Variants in NOTCH2 observed in about 807,000 individuals in gnomAD.
NOTCH2 encodes the protein notch receptor 2, also known as neurogenic locus notch homolog protein 2.
Under a neutral mutation model 235.8 loss-of-function variants are expected in NOTCH2, and 29 were observed. The ratio of observed to expected loss-of-function variants is 0.12; its 90% CI spans 0.09 to 0.17. The LOEUF (loss-of-function observed/expected upper bound fraction) is 0.17, where lower values mean the gene tolerates loss of function less well. NOTCH2 is among the 10% of genes least tolerant of loss of function. NOTCH2 has a pLI of 1.00. For synonymous variants in NOTCH2, 1,086 were observed against 1,141.5 expected, an observed-to-expected ratio of 0.95 and a Z score of 0.98; for missense variants, 2,285 against 3,150.2, an observed-to-expected ratio of 0.73 and a Z score of 6.57.
intron 29 of NOTCH2, among the ~76,000 whole-genome samples, chr1:119,921,433 C>T (rs1450015322): frequency 1.3e-5 from 2 of 152,218 alleles, no homozygotes; most frequent in Non-Finnish European, 2.9e-5. Context: ...TCTACACACA[C>T]CATTCCTGAC....
rs1189981473 is a variant in NOTCH2 at position 119,915,544 on chromosome 1, G to A, written c.7178C>T (p.Ala2393Val). The change falls in exon 34 of 34, where the codon GCT (alanine) becomes GTT (valine). Residue 2393 changes from alanine (A) to valine (V), a missense_variant. Ala to Val is a moderately conservative substitution (Grantham distance 64). Coordinates refer to ENST00000256646, the MANE Select transcript of NOTCH2 (RefSeq NM_024408.4). ...TGTTCGCTCAGCAGCATTTGAGGAAGCATAACTGTGCTGTGAAGGGGGTGT... is the reference window on the plus strand; with the variant it reads ...TGTTCGCTCAGCAGCATTTGAGGAAACATAACTGTGCTGTGAAGGGGGTGT... ...YPTPPSQHSY[A>V]SSNAAERTPS... 3 of 1,614,100 alleles carry A rather than the reference G, an allele frequency of 1.9e-6. No homozygotes were observed. The highest frequency in any genetic ancestry group is 1.7e-5 in the Admixed American group (1 of 60,032).
At chr1:119,932,670 A>C (rs1553195313) in intron 22 of NOTCH2, among the ~76,000 whole-genome samples, 1 of 152,144 alleles carries the variant, frequency 6.6e-6, no homozygotes, top group Non-Finnish European at 1.5e-5. Context: ...AGAGAGAGGA[A>C]GTTCTATATT....
At chr1:119,921,834 A>G in intron 28 of NOTCH2, 25 bp from the exon 29 acceptor site, 1 of 1,570,582 alleles carries the variant, frequency 6.4e-7, no homozygotes, top group Non-Finnish European at 8.8e-7. Flanking sequence ...AAAAGAAAAA[A>G]TAAGAATGGC....
At chr1:120,043,226 G>GA (rs1250238736) in intron 1 of NOTCH2, among the ~76,000 whole-genome samples, 1 of 147,636 alleles carries the variant, frequency 6.8e-6, no homozygotes, top group Non-Finnish European at 1.5e-5. Flanking sequence ...TGGCTTGTGT[G>GA]AACACCTCAG....
Position 120,005,478 on chromosome 1 carries a change from G to A in NOTCH2, c.266C>T (p.Thr89Met), listed in dbSNP as rs138537504. Residue 89 changes from threonine (T) to methionine (M), a missense_variant, in exon 3 of 34, where the codon ACG (threonine) becomes ATG (methionine). Thr to Met is a moderately conservative substitution (Grantham distance 81). This residue lies in a region of NOTCH2 where 431 missense variants were observed against 757.8 expected (regional missense o/e 0.57). Coordinates refer to ENST00000256646, the MANE Select transcript of NOTCH2 (RefSeq NM_024408.4). ...TGTAAACCCTGAGGCACATCGGCAC[G>A]TGGCTTTCCCCAGCATGGCCTGGGC... Reference protein sequence around the residue: ...CVAQAMLGKATCRCASGFTGE... With the variant: ...CVAQAMLGKAMCRCASGFTGE... The A allele has an allele frequency of 6.5e-5, 105 of 1,613,512 alleles. No individual in the cohort carries two copies. The highest frequency in any genetic ancestry group is 2.2e-4 in the East Asian group (10 of 44,840).
intron 23 of NOTCH2, among the ~76,000 whole-genome samples, chr1:119,927,214 G>A (rs370949000): frequency 1.3e-5 from 2 of 152,214 alleles, no homozygotes; most frequent in South Asian, 2.1e-4. Context: ...GATAAAGAAC[G>A]AGGCAACTGG....
rs772005110 is a variant in NOTCH2 at position 119,916,565 on chromosome 1, G to A, written c.6157C>T (p.Arg2053Cys). 11 of 1,613,948 alleles carry A rather than the reference G, an allele frequency of 6.8e-6. No individual in the cohort carries two copies. The African/African-American group carries it at 9.3e-5, about 14-fold the overall frequency. Residue 2053 changes from arginine to cysteine, a missense_variant, in exon 34 of 34, where the codon CGC becomes TGC. Around this residue, in one of 6 missense-constraint regions of NOTCH2, gnomAD observed 504 missense variants for 538.0 expected, o/e 0.94. Coordinates refer to ENST00000256646, the MANE Select transcript of NOTCH2 (RefSeq NM_024408.4). The part of the protein sequence containing the change: ...DRLPRDVARD[R>C]MHHDIVRLLD... ...AGGCGCACAATGTCATGGTGCATGC[G>A]ATCCCGAGCCACATCCCGGGGAAGA...
intron 1 of NOTCH2, among the ~76,000 whole-genome samples, chr1:120,067,082 TTTAAA>T (rs1655537177): frequency 1.3e-5 from 2 of 151,784 alleles, no homozygotes; most frequent in Non-Finnish European, 2.9e-5. Flanking sequence ...CTCCGTGATG[TTTAAA>T]TTAACAATTG....
In NOTCH2 at chr1:119,948,377, C is replaced by T. The variant is rs781846377; in HGVS notation, c.2752+37G>A. On this transcript the variant is annotated intron_variant, in intron 17 of 33. Coordinates refer to ENST00000256646, the MANE Select transcript of NOTCH2 (RefSeq NM_024408.4). ...TCCTCTGCTCCCTGTGTGTTTTCCT[C>T]TCCTCTGGGGGCTTAAGAGCTGACT... The T allele has an allele frequency of 9.9e-6, 16 of 1,612,970 alleles. No individual in the cohort carries two copies. In the South Asian group the frequency reaches 1.5e-4, roughly 16 times the overall value.
rs917979460 is a variant in NOTCH2 at position 119,915,504 on chromosome 1, A to T, written c.7218T>A (p.Gly2406=). ...NAAERTPSHS[G]HLQGEHPYLT... ...GGTAGGGATGCTCACCCTGGAGGTG[A>T]CCACTGTGACTGGGTGTTCGCTCAG... Residue 2406 remains glycine, a synonymous_variant, in exon 34 of 34, where the codon GGT becomes GGA. Transcript: ENST00000256646. 1.2e-6 allele frequency: 2 copies of T among 1,614,062 alleles called. No homozygotes were observed. The highest frequency in any genetic ancestry group is 1.7e-6 in the Non-Finnish European group (2 of 1,180,002).
chr1:119,963,036 G>GT (rs1279398165), intron 11 of NOTCH2, among the ~76,000 whole-genome samples: 1 of 152,150 alleles, frequency 6.6e-6, no homozygotes, highest in African/African-American at 2.4e-5. Context: ...GTGTTGTAAG[G>GT]TATCTCCTCT....
intron 19 of NOTCH2, among the ~76,000 whole-genome samples, 181 bp from the exon 20 acceptor site, chr1:119,938,191 T>A (rs947013565): frequency 6.6e-6 from 1 of 152,232 alleles, no homozygotes; most frequent in African/African-American, 2.4e-5. Flanking sequence ...TAACCATTTT[T>A]ACGTACCGTT....
Position 119,935,612 on chromosome 1 carries a change from G to A in NOTCH2, c.3523-8C>T. 6.2e-7 allele frequency: 1 copy of A among 1,613,990 alleles called. No individual in the cohort carries two copies. The highest frequency in any genetic ancestry group is 8.5e-7 in the Non-Finnish European group (1 of 1,179,990). On this transcript the variant is annotated splice_region_variant and splice_polypyrimidine_tract_variant and intron_variant, in intron 21 of 33. Transcript: ENST00000256646. ...CTGATAGCCTGGGACACACTGCCAT[G>A]AGGAAACAAAAAGGACAAGAAATAT...
At chr1:119,949,405 G>C (rs1389565930) in intron 15 of NOTCH2, among the ~76,000 whole-genome samples, 1 of 28,888 alleles carries the variant, frequency 3.5e-5, no homozygotes, top group Non-Finnish European at 6.9e-5. Context: ...TTTTTTTTTT[G>C]AGACGGAGTC....
At chr1:119,977,419 A>T (rs587727688) in intron 5 of NOTCH2, among the ~76,000 whole-genome samples, 3 of 152,144 alleles carry the variant, frequency 2.0e-5, no homozygotes, top group African/African-American at 7.2e-5. Flanking sequence ...CTACGCCTCA[A>T]GGGCAACTCT....
In NOTCH2 at chr1:119,915,164, A is replaced by T. The variant is rs1325043217; in HGVS notation, c.*142T>A. The T allele has an allele frequency of 1.2e-6, 1 of 853,286 alleles. No homozygotes were observed. The highest frequency in any genetic ancestry group is 1.7e-5 in the African/African-American group (1 of 60,188). The allele number at this position is 853,286 out of a possible 1,614,324, so 52.9% of individuals were successfully genotyped here. A position where few individuals can be genotyped will look rare whatever the true frequency, so the allele number is the denominator to read the frequency against. On this transcript the variant is annotated 3_prime_UTR_variant, in exon 34 of 34. Coordinates refer to ENST00000256646, the MANE Select transcript of NOTCH2 (RefSeq NM_024408.4). The stretch of plus-strand genomic sequence containing the variant: ...ACTGACGAATTGCTTCTCTTGCATT[A>T]TCTGAATAAGAACATCTTCTCTTTC...
intron 17 of NOTCH2, among the ~76,000 whole-genome samples, chr1:119,947,190 TC>T (rs1650290119): frequency 6.6e-6 from 1 of 152,170 alleles, no homozygotes; most frequent in Non-Finnish European, 1.5e-5. Context: ...ACACTGAATT[TC>T]ATCAATGTTA....
intron 5 of NOTCH2, among the ~76,000 whole-genome samples, chr1:119,984,534 A>T (rs1173349848): frequency 6.6e-6 from 1 of 152,230 alleles, no homozygotes; most frequent in East Asian, 1.9e-4. Flanking sequence ...TTCCTGCTCC[A>T]TTCACTTCTT....
Position 119,955,219 on chromosome 1 carries a change from G to T in NOTCH2, c.2040C>A (p.Asn680Lys). 6.2e-7 allele frequency: 1 copy of T among 1,614,106 alleles called. No homozygotes were observed. The highest frequency in any genetic ancestry group is 8.5e-7 in the Non-Finnish European group (1 of 1,179,970). Reference protein sequence around the residue: ...CSPGFTGQRCNIDIDECASNP... With the variant: ...CSPGFTGQRCKIDIDECASNP... ...TGGAGGCACACTCATCAATGTCAAT[G>T]TTACATCTCTGCCCTGTGGAGAAGG... Residue 680 changes from asparagine (N) to lysine (K), a missense_variant, in exon 13 of 34, where the codon AAC (asparagine) becomes AAA (lysine). Transcript: ENST00000256646.
Sources: gnomAD v4.1 joint callset for allele counts (sites outside exome capture counted in the v4.1 genomes callset) on GRCh38, gnomAD v4.1.1 for gene constraint, gnomAD v4.1.1 regional missense constraint, MANE v1.5 for transcripts, NCBI Gene and HGNC (gene_info 2026-07-23, HGNC 2026-07-21) for gene names.